The following FRRS1 variants were observed in gnomAD, a reference collection of about 807,000 sequenced individuals.
The protein encoded by FRRS1 is ferric reductase 1.
Under a neutral mutation model 70.7 loss-of-function variants are expected in FRRS1, and 51 were observed. The observed-to-expected ratio is 0.72, with a 90% confidence interval of 0.58 to 0.91. FRRS1 has a LOEUF of 0.91. Ranked by LOEUF, FRRS1 falls within the 40% of genes least tolerant of loss-of-function variation. The pLI, the probability that FRRS1 is intolerant of heterozygous loss-of-function variation, is 0.00. For synonymous variants in FRRS1, 225 were observed against 238.7 expected (o/e 0.94, Z 0.53); for missense variants, 672 against 726.0 (o/e 0.93, Z 0.86).
intron 9 of FRRS1, among the ~76,000 whole-genome samples, chr1:99,728,187 T>C (rs1023223296): frequency 2.2e-4 from 33 of 152,234 alleles, no homozygotes; most frequent in African/African-American, 8.0e-4. Context: ...ATCACTACAC[T>C]CAGGGAAGCC....
In FRRS1 at chr1:99,740,854, G is replaced by A. The variant is rs1210503528; in HGVS notation, c.515C>T (p.Thr172Ile). Residue 172 changes from threonine to isoleucine, a missense_variant, in exon 6 of 17, where the codon ACA becomes ATA. Thr to Ile is a moderately conservative substitution (Grantham distance 89, BLOSUM62 -1). Transcript: ENST00000646001. ...ISQPNAFPFT[T>I]PKATVVPLPT... ...CAAAGGTACTACTGTAGCTTTAGGT[G>A]TTGTAAAAGGAAATGCATTTGGTTG... is the stretch of plus-strand genomic sequence containing the variant. The A allele has an allele frequency of 6.2e-7, 1 of 1,612,200 alleles. No individual in the cohort carries two copies. Among genetic ancestry groups the A allele is most frequent in the Non-Finnish European group, 8.5e-7 (1 of 1,178,230 alleles).
At chr1:99,744,830 C>T (rs1284668590) in intron 4 of FRRS1, among the ~76,000 whole-genome samples, 1 of 151,096 alleles carries the variant, frequency 6.6e-6, no homozygotes, top group Non-Finnish European at 1.5e-5. Context: ...ATTAGCCGGG[C>T]GTTGTGGCGG....
intron 7 of FRRS1, among the ~76,000 whole-genome samples, chr1:99,737,336 T>C (rs925429051): frequency 1.5e-4 from 23 of 152,204 alleles, no homozygotes; most frequent in African/African-American, 5.5e-4. Flanking sequence ...GCTGCCTGGA[T>C]ATACAAGTTT....
intron 1 of FRRS1, among the ~76,000 whole-genome samples, chr1:99,762,625 C>T (rs1431386408): frequency 6.6e-6 from 1 of 152,076 alleles, no homozygotes; most frequent in Non-Finnish European, 1.5e-5. Flanking sequence ...TGGGTATGGA[C>T]TTCTGTTTAG....
At chr1:99,737,685 T>C (rs1295626682) in intron 7 of FRRS1, among the ~76,000 whole-genome samples, 2 of 152,178 alleles carry the variant, frequency 1.3e-5, no homozygotes, top group Non-Finnish European at 2.9e-5. Context: ...TCCTGGATGA[T>C]CATTTGACCC....
intron 7 of FRRS1, among the ~76,000 whole-genome samples, chr1:99,732,618 C>T (rs1655448633): frequency 6.6e-6 from 1 of 152,076 alleles, no homozygotes; most frequent in South Asian, 2.1e-4. Flanking sequence ...AGTTGAAGGA[C>T]TTCTAGGACC....
chr1:99,748,801 A>T, intron 2 of FRRS1, 33 bp from the exon 3 acceptor site: 1 of 1,513,082 alleles, frequency 6.6e-7, no homozygotes, highest in Non-Finnish European at 9.0e-7. Flanking sequence ...CATTATTGTC[A>T]TATATAATTA....
rs1261761817 is a variant in FRRS1, at chr1:99,755,260, A to AT, written c.-105-6260dup. Among the ~76,000 whole-genome samples, 11 of 105,604 alleles carry AT rather than the reference A, an allele frequency of 1.0e-4. No homozygotes were observed. In the East Asian group the frequency reaches 1.4e-3, roughly 13 times the overall value. The allele number at this position is 105,604 out of a possible 152,430, so 69.3% of individuals were successfully genotyped here. A position where few individuals can be genotyped will look rare whatever the true frequency, so the allele number is the denominator to read the frequency against. On this transcript the variant is annotated intron_variant, in intron 1 of 16. Transcript: ENST00000646001. ...CAAGTGAGACCCTGTCTCTCCAAAAATTTAAAAAAAAAAAAATTAGCCAGG... is the reference window on the plus strand; with the variant it reads ...CAAGTGAGACCCTGTCTCTCCAAAAATTTTAAAAAAAAAAAAATTAGCCAGG...
Position 99,712,500 on chromosome 1 carries a change from G to C in FRRS1, c.1339C>G (p.Pro447Ala). 6.2e-7 allele frequency: 1 copy of C among 1,604,432 alleles called. No homozygotes were observed. The highest frequency in any genetic ancestry group is 8.5e-7 in the Non-Finnish European group (1 of 1,176,252). The change falls in exon 13 of 17, where the codon CCA becomes GCA. Residue 447 changes from proline (P) to alanine (A), a missense_variant. Transcript: ENST00000646001. ...GTCATCACTATACAGCCGAGGTATG[G>C]GTGGTAACCTGCATGCTAAACAAAG... Reference protein sequence around the residue: ...GGWSRHAGYHPYLGCIVMTLA... With the variant: ...GGWSRHAGYHAYLGCIVMTLA...
intron 9 of FRRS1, among the ~76,000 whole-genome samples, chr1:99,727,923 G>A (rs990554914): frequency 5.3e-5 from 8 of 152,206 alleles, no homozygotes; most frequent in African/African-American, 1.7e-4. Flanking sequence ...TCAGAGTCAC[G>A]TAGAAAGATG....
rs1398456123 is a variant in FRRS1, at chr1:99,705,558, C to T, written c.*3470G>A. 1.3e-5 allele frequency among the ~76,000 whole-genome samples: 2 copies of T among 152,174 alleles called. No homozygotes were observed. The highest frequency in any genetic ancestry group is 2.9e-5 in the Non-Finnish European group (2 of 68,032). On this transcript the variant is annotated 3_prime_UTR_variant, in exon 17 of 17. Transcript: ENST00000646001. Reference sequence around the variant, plus strand: ...GCCCTGAGAGCTTCCTAGTTGGCATCTGCTGCATTTGTCTTTTCCCACTGC... The same window carrying T: ...GCCCTGAGAGCTTCCTAGTTGGCATTTGCTGCATTTGTCTTTTCCCACTGC...
In FRRS1 at chr1:99,709,102, C is replaced by A. The variant is rs373850964; in HGVS notation, c.1705G>T (p.Ala569Ser). Reference protein sequence around the residue: ...VETEGHAFKKAVLAIYVCGNV... With the variant: ...VETEGHAFKKSVLAIYVCGNV... ...CCACAGACATAAATTGCCAACACTG[C>A]CTTTTTAAAAGCATGACCCTGAAAG... The change falls in exon 17 of 17, where the codon GCA becomes TCA. Residue 569 changes from alanine to serine, a missense_variant. Ala to Ser is a moderately conservative substitution (Grantham distance 99). Coordinates refer to ENST00000646001, the MANE Select transcript of FRRS1 (RefSeq NM_001361041.2). 5.6e-6 allele frequency: 9 copies of A among 1,612,884 alleles called. No homozygotes were observed. Among genetic ancestry groups the A allele is most frequent in the Non-Finnish European group, 7.6e-6 (9 of 1,179,586 alleles).
chr1:99,719,461 G>A (rs1032850966), intron 10 of FRRS1, 73 bp downstream of exon 10: 19 of 765,762 alleles, frequency 2.5e-5, no homozygotes, highest in African/African-American at 5.4e-5. Flanking sequence ...TATACCCACA[G>A]CCATTCCTAA....
At chr1:99,760,220 C>G (rs1452413738) in intron 1 of FRRS1, among the ~76,000 whole-genome samples, 1 of 152,196 alleles carries the variant, frequency 6.6e-6, no homozygotes, top group Non-Finnish European at 1.5e-5. Context: ...ATTAACTTTC[C>G]ATCTCCTCAA....
chr1:99,756,247 T>G (rs1429785565), intron 1 of FRRS1, among the ~76,000 whole-genome samples: 1 of 152,154 alleles, frequency 6.6e-6, no homozygotes, highest in African/African-American at 2.4e-5. Flanking sequence ...AAAGATTTAT[T>G]TTGTCCACCC....
chr1:99,743,121 C>A (rs1033231662), intron 4 of FRRS1, among the ~76,000 whole-genome samples: 2 of 152,144 alleles, frequency 1.3e-5, no homozygotes, highest in African/African-American at 2.4e-5. Context: ...GCTATAAATT[C>A]TTCAAACTAC....
In FRRS1 at chr1:99,740,786, T is replaced by C. The variant is rs1655916555; in HGVS notation, c.576+7A>G. 1.3e-6 allele frequency: 2 copies of C among 1,593,746 alleles called. No individual in the cohort carries two copies. The highest frequency in any genetic ancestry group is 1.3e-5 in the African/African-American group (1 of 74,606). ...ATCTCTACAGAGAAAATAAAATTGT[T>C]ACTTACTGGTTTGGTTAAGTGGGAA... is the stretch of plus-strand genomic sequence containing the variant. On this transcript the variant is annotated splice_region_variant and intron_variant, in intron 6 of 16. Coordinates refer to ENST00000646001, the MANE Select transcript of FRRS1 (RefSeq NM_001361041.2).
At chr1:99,742,470 T>C (rs1266031360) in intron 4 of FRRS1, among the ~76,000 whole-genome samples, 197 bp from the exon 5 acceptor site, 1 of 152,172 alleles carries the variant, frequency 6.6e-6, no homozygotes, top group Admixed American at 6.5e-5. Flanking sequence ...GCTGGCTCTG[T>C]GAATAAATGA....
chr1:99,742,219 AG>A lies in FRRS1; in HGVS notation c.387del (p.Trp130GlyfsTer14). 6.2e-7 allele frequency: 1 copy of A among 1,612,204 alleles called. No individual in the cohort carries two copies. The highest frequency in any genetic ancestry group is 8.5e-7 in the Non-Finnish European group (1 of 1,178,224). ...SASKKTEIKVYWNAPSSAPNH... is the reference protein window; with the variant it reads ...SASKKTEIKVXWNAPSSAPNH... ...TTTGGAGCACTGCTTGGAGCATTCCAGTAGACTTTAATTTCTGTTTTTTTAG... is the reference window on the plus strand; with the variant it reads ...TTTGGAGCACTGCTTGGAGCATTCCATAGACTTTAATTTCTGTTTTTTTAG... On this transcript the variant is annotated frameshift_variant, in exon 5 of 17. Transcript: ENST00000646001. LOFTEE classifies it high-confidence loss of function.
Sources: allele counts gnomAD v4.1 joint callset (sites outside exome capture counted in the v4.1 genomes callset), GRCh38; gene constraint gnomAD v4.1.1; transcripts MANE v1.5; gene names NCBI Gene and HGNC (gene_info 2026-07-23, HGNC 2026-07-21).